Variants in FAM186B observed in about 807,000 individuals in gnomAD.
The protein encoded by FAM186B is protein FAM186B.
Under a neutral mutation model 83.4 loss-of-function variants are expected in FAM186B, and 68 were observed. The ratio of observed to expected loss-of-function variants is 0.81; its 90% confidence interval spans 0.67 to 1.00. The LOEUF (loss-of-function observed/expected upper bound fraction) is 1.00. FAM186B is among the 50% of genes least tolerant of loss of function. The probability of loss-of-function intolerance (pLI) is 0.00; values close to 1 mark genes in which losing one functional copy is unlikely to be tolerated. For missense variants in FAM186B, 983 were observed against 1,099.2 expected (o/e 0.89, Z 1.49); for synonymous variants, 389 against 422.0 (o/e 0.92, Z 0.96).
Position 49,603,179 on chromosome 12 carries a change from A to T in FAM186B, c.505+6T>A, listed in dbSNP as rs1939933007. On this transcript the variant is annotated splice_donor_region_variant and intron_variant, in intron 3 of 6. Transcript: ENST00000257894. ...AGCTCCCTGGCCAGGTGCTCCTAGAACCTACCTTGTGACCTTTTCTTTTGT... is the reference window on the plus strand; with the variant it reads ...AGCTCCCTGGCCAGGTGCTCCTAGATCCTACCTTGTGACCTTTTCTTTTGT... The T allele has an allele frequency of 6.2e-7, 1 of 1,614,074 alleles. No homozygotes were observed. The highest frequency in any genetic ancestry group is 8.5e-7 in the Non-Finnish European group (1 of 1,180,018).
chr12:49,616,296 C>T, the FAM186B span, among the ~76,000 whole-genome samples: 2 of 152,190 alleles, frequency 1.3e-5, no homozygotes, highest in Non-Finnish European at 2.9e-5. Flanking sequence ...TCCCAAAGTG[C>T]TGGGATTACA....
intron 3 of FAM186B, among the ~76,000 whole-genome samples, chr12:49,601,351 C>T (rs764370787): frequency 2.0e-5 from 3 of 152,196 alleles, no homozygotes; most frequent in Admixed American, 6.5e-5. Context: ...TCTGCCAGCT[C>T]CACAGCACCT....
chr12:49,606,467 C>A (rs1940023104), upstream of FAM186B, among the ~76,000 whole-genome samples: 1 of 149,242 alleles, frequency 6.7e-6, no homozygotes, highest in East Asian at 2.0e-4. Context: ...TACACCCCAG[C>A]CTAGGTGATA....
chr12:49,598,629 T>C, intron 5 of FAM186B, 126 bp downstream of exon 5: 1 of 857,436 alleles, frequency 1.2e-6, no homozygotes, highest in East Asian at 2.7e-5. Flanking sequence ...TGCCTTCTCC[T>C]TTCCCTTCTG....
intron 5 of FAM186B, among the ~76,000 whole-genome samples, chr12:49,593,632 C>CAAAA (rs34152009): frequency 1.2e-4 from 10 of 86,382 alleles, no homozygotes; most frequent in African/African-American, 2.0e-4. Context: ...GACTCCATCT[C>CAAAA]AAAAAAAAAA....
chr12:49,603,483 CT>C, intron 2 of FAM186B, 116 bp from the exon 3 acceptor site: 1 of 1,000,092 alleles, frequency 1.0e-6, no homozygotes, highest in Non-Finnish European at 1.5e-6. Context: ...TTACCTCTTA[CT>C]AGCTATGTGA....
At position 49,593,366 on chromosome 12, in the gene FAM186B, G is replaced by C. The variant is rs554917654; in HGVS notation, c.2365-4743C>G. Among the ~76,000 whole-genome samples the C allele has an allele frequency of 3.9e-5, 6 of 152,366 alleles. No individual in the cohort carries two copies. In the East Asian group the frequency reaches 1.2e-3, roughly 29 times the overall value. On this transcript the variant is annotated intron_variant, in intron 5 of 6. Coordinates refer to ENST00000257894, the MANE Select transcript of FAM186B (RefSeq NM_032130.3). ...TAGAAACAAACGGCCGGGTGTGGGTGGCTCATGCCTGTAATCCCAGCACTT... is the reference window on the plus strand; with the variant it reads ...TAGAAACAAACGGCCGGGTGTGGGTCGCTCATGCCTGTAATCCCAGCACTT...
rs774444349 is a variant in FAM186B, at chr12:49,600,933, A to C, written c.707T>G (p.Met236Arg). The change falls in exon 4 of 7, where the codon ATG (methionine) becomes AGG (arginine). Residue 236 changes from methionine (M) to arginine (R), a missense_variant. Met to Arg is a moderately conservative substitution (Grantham distance 91, BLOSUM62 -1). Transcript: ENST00000257894. This position sits in a 1 kb window ranked among gnomAD's most constrained non-coding sequence, Gnocchi z 4.3. Reference protein sequence around the residue: ...SKGEVRAIRYMATVVENLNKA... With the variant: ...SKGEVRAIRYRATVVENLNKA... ...GTTGAGGTTCTCCACCACAGTGGCC[A>C]TGTACCTGATGGCCCTGACCTCCCC... is the stretch of plus-strand genomic sequence containing the variant. The C allele has an allele frequency of 1.5e-5, 24 of 1,614,096 alleles. No individual in the cohort carries two copies. The highest frequency in any genetic ancestry group is 1.6e-5 in the Non-Finnish European group (19 of 1,179,986).
At position 49,587,722 on chromosome 12, in the gene FAM186B, C is replaced by G; in HGVS notation, c.2565G>C (p.Trp855Cys). 1 of 1,614,000 alleles carries G rather than the reference C, an allele frequency of 6.2e-7. No individual in the cohort carries two copies. Among genetic ancestry groups the G allele is most frequent in the Non-Finnish European group, 8.5e-7 (1 of 1,179,962 alleles). Reference protein sequence around the residue: ...RQQGKQMEAVWKTEVASSSYA... With the variant: ...RQQGKQMEAVCKTEVASSSYA... ...AACTGGAGGAGGCCACCTCGGTCTTCCAGACAGCCTCCATCTGCTTCCCCT... is the reference window on the plus strand; with the variant it reads ...AACTGGAGGAGGCCACCTCGGTCTTGCAGACAGCCTCCATCTGCTTCCCCT... Residue 855 changes from tryptophan to cysteine, a missense_variant, in exon 7 of 7, where the codon TGG (tryptophan) becomes TGC (cysteine). Trp to Cys is a radical substitution (Grantham distance 215). Coordinates refer to ENST00000257894, the MANE Select transcript of FAM186B (RefSeq NM_032130.3).
intron 5 of FAM186B, among the ~76,000 whole-genome samples, chr12:49,598,346 A>T (rs1256906328): frequency 2.0e-5 from 3 of 152,162 alleles, no homozygotes; most frequent in African/African-American, 7.2e-5. Context: ...GACAGTGAAG[A>T]TGACGGCTGT....
the FAM186B span, among the ~76,000 whole-genome samples, chr12:49,613,748 AG>A: frequency 2.0e-5 from 3 of 151,808 alleles, no homozygotes; most frequent in East Asian, 5.8e-4. Context: ...CTGAGGCGGG[AG>A]GATCACTGAG....
chr12:49,591,746 A>G (rs1237346042), intron 5 of FAM186B, among the ~76,000 whole-genome samples: 2 of 152,168 alleles, frequency 1.3e-5, no homozygotes, highest in Non-Finnish European at 2.9e-5. Flanking sequence ...CCTCACAGGC[A>G]CCAAAATTTG....
chr12:49,595,036 T>A (rs957407857), intron 5 of FAM186B: 1 of 216,914 alleles, frequency 4.6e-6, no homozygotes, highest in Non-Finnish European at 9.1e-6. Flanking sequence ...GAAAATATGC[T>A]CACATTATTG....
chr12:49,605,264 C>T (rs771502463), intron 1 of FAM186B, 118 bp downstream of exon 1: 2 of 1,533,548 alleles, frequency 1.3e-6, no homozygotes, highest in Admixed American at 2.0e-5. Flanking sequence ...ACCCAGGTTG[C>T]TGAATATCCC....
At chr12:49,585,884 G>A (rs75680401), downstream of FAM186B, among the ~76,000 whole-genome samples, 1,210 of 152,324 alleles carry the variant, frequency 7.9e-3, 14 homozygotes, top group East Asian at 0.049. Flanking sequence ...GAGGCAGCAC[G>A]GCCACCACCC....
chr12:49,596,485 T>TA (rs61018488), intron 5 of FAM186B, among the ~76,000 whole-genome samples: 16,021 of 145,282 alleles, frequency 0.11, 838 homozygotes, highest in African/African-American at 0.12. Context: ...TTGATGTCTT[T>TA]AAAAAAAAAA....
At chr12:49,622,437 G>A in the FAM186B span, among the ~76,000 whole-genome samples, 1 of 152,192 alleles carries the variant, frequency 6.6e-6, no homozygotes, top group African/African-American at 2.4e-5. Context: ...AGACCAGGAG[G>A]CTGAGGCTGC....
At chr12:49,609,151 T>A (rs576340230), upstream of FAM186B, among the ~76,000 whole-genome samples, 10 of 152,288 alleles carry the variant, frequency 6.6e-5, no homozygotes, top group East Asian at 1.2e-3. Flanking sequence ...AAGGGACTGC[T>A]ACAGCTGTGG....
At chr12:49,609,582 C>T (rs376129313), upstream of FAM186B, among the ~76,000 whole-genome samples, 43 of 152,266 alleles carry the variant, frequency 2.8e-4, no homozygotes, top group African/African-American at 1.0e-3. Flanking sequence ...CCACCCCACC[C>T]TCCCTGTGTA....
Sources: allele counts gnomAD v4.1 joint callset (sites outside exome capture counted in the v4.1 genomes callset), GRCh38; gene constraint gnomAD v4.1.1; non-coding constraint Gnocchi (gnomAD v3.1); transcripts MANE v1.5; gene names NCBI Gene and HGNC (gene_info 2026-07-23, HGNC 2026-07-21).